Variants in C11orf65 observed in about 807,000 individuals in gnomAD.
The protein encoded by C11orf65 is protein MFI.
In C11orf65, 38 loss-of-function variants were observed where a neutral mutation model predicts 35.3. That is an observed-to-expected ratio of 1.08 (90% CI 0.83 to 1.41). The LOEUF (loss-of-function observed/expected upper bound fraction) is 1.41. Among genes scored for constraint, C11orf65 ranks in the 40% most tolerant of loss-of-function variants. The pLI, the probability that C11orf65 is intolerant of heterozygous loss-of-function variation, is 0.00. For missense variants in C11orf65, 370 were observed against 367.1 expected, an observed-to-expected ratio of 1.01 and a Z score of -0.06; for synonymous variants, 105 against 114.4, an observed-to-expected ratio of 0.92 and a Z score of 0.53.
intron 3 of C11orf65, among the ~76,000 whole-genome samples, chr11:108,410,956 G>A (rs1463205925): frequency 3.3e-5 from 5 of 151,656 alleles, no homozygotes; most frequent in Non-Finnish European, 7.4e-5. Flanking sequence ...TGATCCCCCT[G>A]CCTTGGCCTC....
chr11:108,357,480 C>T (rs1011268941), intron 2 of C11orf65, among the ~76,000 whole-genome samples: 1 of 152,254 alleles, frequency 6.6e-6, no homozygotes, highest in African/African-American at 2.4e-5. Flanking sequence ...GTAGGCTCCA[C>T]CTCTGGGGGC....
chr11:108,458,776 T>C (rs1260914165), intron 2 of C11orf65, among the ~76,000 whole-genome samples: 2 of 152,182 alleles, frequency 1.3e-5, no homozygotes, highest in African/African-American at 4.8e-5. Context: ...GGGAAGGGCA[T>C]GCAGTGAGAG....
chr11:108,376,786 G>T lies in C11orf65; in HGVS notation c.226+16422C>A, dbSNP rs571136769. Among the ~76,000 whole-genome samples, 462 of 151,988 alleles carry T rather than the reference G, an allele frequency of 3.0e-3. 6 individuals are homozygous for T. Among genetic ancestry groups the T allele is most frequent in the African/African-American group, 0.011 (449 of 41,462 alleles). ...GAATCAAATAGACACAATAAAAAAT[G>T]ATAAAGGGGATATCACCACCGATCC... On this transcript the variant is annotated intron_variant, in intron 2 of 3. Coordinates refer to the C11orf65 transcript ENST00000524755.
intron 6 of C11orf65, among the ~76,000 whole-genome samples, chr11:108,397,705 A>C (rs2092349622): frequency 6.6e-6 from 1 of 152,250 alleles, no homozygotes; most frequent in South Asian, 2.1e-4. Context: ...AACAAAGCAC[A>C]CAAAGTAAAA....
At position 108,406,930 on chromosome 11, in the gene C11orf65, A is replaced by G; in HGVS notation, c.262T>C (p.Phe88Leu). 1 of 1,612,416 alleles carries G rather than the reference A, an allele frequency of 6.2e-7. No individual in the cohort carries two copies. The highest frequency in any genetic ancestry group is 8.5e-7 in the Non-Finnish European group (1 of 1,178,678). ...KFPPDIYYKI[F>L]THRPIEDLCA... The stretch of plus-strand genomic sequence containing the variant: ...AGATCTTCAATAGGTCTGTGAGTAA[A>G]AATCTTATAGTATATATCAGGTGGA... The change falls in exon 5 of 9, where the codon TTT becomes CTT. Residue 88 changes from phenylalanine to leucine, a missense_variant. By Grantham distance (22) the Phe-to-Leu change is conservative. Transcript: ENST00000393084.
At chr11:108,378,715 T>A (rs1239710059), downstream of C11orf65, among the ~76,000 whole-genome samples, 1 of 136,782 alleles carries the variant, frequency 7.3e-6, no homozygotes, top group Non-Finnish European at 1.5e-5. Context: ...TGGGAGAAAA[T>A]TTTCGCAACC....
At chr11:108,331,376 ACTTG>A, downstream of C11orf65, 1 of 1,558,744 alleles carries the variant, frequency 6.4e-7, no homozygotes, top group Non-Finnish European at 8.7e-7. Flanking sequence ...AAAATAACTT[ACTTG>A]CTTAGATGTG....
intron 3 of C11orf65, among the ~76,000 whole-genome samples, chr11:108,413,876 G>A (rs1023974737): frequency 1.4e-4 from 21 of 151,966 alleles, no homozygotes; most frequent in African/African-American, 3.1e-4. Context: ...AAATGAAAAC[G>A]AAAATACAAC....
At chr11:108,390,598 C>T (rs2092136545) in intron 7 of C11orf65, among the ~76,000 whole-genome samples, 1 of 152,134 alleles carries the variant, frequency 6.6e-6, no homozygotes, top group African/African-American at 2.4e-5. Flanking sequence ...ATTCTCTATC[C>T]AGTCCTGGGA....
At chr11:108,340,448 C>G (rs2087411908) in intron 2 of C11orf65, 1 of 152,162 alleles carries the variant, frequency 6.6e-6, no homozygotes, top group Non-Finnish European at 1.5e-5. Flanking sequence ...TCCTAAATGT[C>G]ACCAAGTAAT....
At chr11:108,457,013 G>A (rs1286971927) in intron 2 of C11orf65, among the ~76,000 whole-genome samples, 5 of 152,078 alleles carry the variant, frequency 3.3e-5, no homozygotes, top group South Asian at 2.1e-4. Flanking sequence ...AGATCTTGGC[G>A]GTTTGAAGAT....
At chr11:108,380,140 G>C (rs915409171), downstream of C11orf65, among the ~76,000 whole-genome samples, 1 of 152,190 alleles carries the variant, frequency 6.6e-6, no homozygotes. Flanking sequence ...AGGTAGAGAC[G>C]TTCCCTACGA....
intron 2 of C11orf65, among the ~76,000 whole-genome samples, chr11:108,374,172 G>A (rs1231478863): frequency 6.9e-6 from 1 of 145,548 alleles, no homozygotes; most frequent in East Asian, 2.0e-4. Context: ...CTGAGAATGG[G>A]CAGACTGCCT....
chr11:108,433,530 A>G (rs1312244949), intron 2 of C11orf65, among the ~76,000 whole-genome samples: 1 of 152,174 alleles, frequency 6.6e-6, no homozygotes, highest in Non-Finnish European at 1.5e-5. Context: ...CAGTGAGCAG[A>G]GATCACGCCA....
chr11:108,395,915 C>T (rs2092299583), intron 6 of C11orf65, among the ~76,000 whole-genome samples: 1 of 151,806 alleles, frequency 6.6e-6, no homozygotes, highest in South Asian at 2.1e-4. Context: ...GCCACCGCGC[C>T]CAGCCAAAAT....
chr11:108,332,397 A>G (rs1306528960), intron 3 of C11orf65, among the ~76,000 whole-genome samples: 4 of 152,080 alleles, frequency 2.6e-5, no homozygotes, highest in Admixed American at 1.3e-4. Context: ...GCGCCATTGC[A>G]CTCCAGCCTG....
At position 108,315,883 on chromosome 11, in the gene C11orf65, G is replaced by A. The variant is rs11212587; in HGVS notation, c.641-6812C>T. 1.5e-3 allele frequency: 2,496 copies of A among 1,612,772 alleles called. 4 individuals carry two copies. Among genetic ancestry groups the A allele is most frequent in the Non-Finnish European group, 1.9e-3 (2,188 of 1,178,816 alleles). ...GCCAGATAGTTTGTATGGCTGTGGTGGAGGGAAGATGTTACAACCCATTAC... is the reference window on the plus strand; with the variant it reads ...GCCAGATAGTTTGTATGGCTGTGGTAGAGGGAAGATGTTACAACCCATTAC... On this transcript the variant is annotated intron_variant, in intron 6 of 6. Coordinates refer to the C11orf65 transcript ENST00000525729.
At chr11:108,350,765 G>A (rs2089097430) in intron 2 of C11orf65, among the ~76,000 whole-genome samples, 1 of 152,156 alleles carries the variant, frequency 6.6e-6, no homozygotes, top group Admixed American at 6.6e-5. Flanking sequence ...AGAGTGGTCT[G>A]GAAGATGCAA....
chr11:108,345,954 C>T (rs2137042923), intron 2 of C11orf65: 1 of 1,607,262 alleles, frequency 6.2e-7, no homozygotes, highest in Non-Finnish European at 8.5e-7. Flanking sequence ...TGTTGTTTGG[C>T]AGGTTTTATT....
Sources: allele counts gnomAD v4.1 joint callset (sites outside exome capture counted in the v4.1 genomes callset), GRCh38; gene constraint gnomAD v4.1.1; transcripts MANE v1.5; gene names NCBI Gene and HGNC (gene_info 2026-07-23, HGNC 2026-07-21).